The following DIAPH2 variants were observed in gnomAD, a reference collection of about 807,000 sequenced individuals.
The protein encoded by DIAPH2 is diaphanous related formin 2.
A neutral mutation model predicts 92.7 loss-of-function variants in DIAPH2; 35 were observed. That is an observed-to-expected ratio of 0.38 (90% CI 0.29 to 0.50). The LOEUF (loss-of-function observed/expected upper bound fraction) is 0.50, where lower values mean the gene tolerates loss of function less well. DIAPH2 is among the 20% of genes least tolerant of loss of function. The pLI, the probability that DIAPH2 is intolerant of heterozygous loss-of-function variation, is 0.94. For synonymous variants in DIAPH2, 301 were observed against 280.4 expected (o/e 1.07, Z -0.73); for missense variants, 701 against 819.5 (o/e 0.86, Z 1.77).
intron 4 of DIAPH2, among the ~76,000 whole-genome samples, chrX:96,875,632 C>G (rs1002604530): frequency 7.2e-5 from 8 of 110,895 alleles, no homozygotes; most frequent in Non-Finnish European, 7.6e-5. Context: ...ACAGTGTTTC[C>G]TGCAATGGGA....
At chrX:97,515,816 T>A (rs1055233432) in intron 26 of DIAPH2, among the ~76,000 whole-genome samples, 3 of 110,952 alleles carry the variant, frequency 2.7e-5, no homozygotes, top group Non-Finnish European at 3.8e-5. Flanking sequence ...CTTCTGCTAT[T>A]TTATCAAATG....
At chrX:97,016,326 G>A (rs779712289) in intron 17 of DIAPH2, among the ~76,000 whole-genome samples, 5 of 112,202 alleles carry the variant, frequency 4.5e-5, no homozygotes, top group Non-Finnish European at 9.4e-5. Context: ...CAATTTGGCA[G>A]AAAGTGAAAA....
In DIAPH2 at chrX:96,924,732, G is replaced by A. The variant is rs184208676; in HGVS notation, c.979-6001G>A. On this transcript the variant is annotated intron_variant, in intron 9 of 26. Coordinates refer to ENST00000324765, the MANE Select transcript of DIAPH2 (RefSeq NM_006729.5). ...GCCTCAGGAAACGTACAATTGTAGT[G>A]GGAGGCGAAGGGGAAGCAGGAGGAA... 7.2e-5 allele frequency among the ~76,000 whole-genome samples: 8 copies of A among 111,104 alleles called. No individual in the cohort carries two copies. In the Admixed American group the frequency reaches 7.7e-4, roughly 11 times the overall value.
At chrX:96,767,615 G>A (rs193221652) in intron 4 of DIAPH2, among the ~76,000 whole-genome samples, 1 of 111,724 alleles carries the variant, frequency 9.0e-6, no homozygotes, top group African/African-American at 3.2e-5. Flanking sequence ...ATGGTAAAAT[G>A]AGATAAGACT....
chrX:96,788,129 G>A (rs981295313), intron 4 of DIAPH2, among the ~76,000 whole-genome samples: 1 of 111,487 alleles, frequency 9.0e-6, no homozygotes, highest in African/African-American at 3.3e-5. Flanking sequence ...TTAAAGTATA[G>A]GTAGTAGTAA....
Position 97,604,042 on chromosome X carries a change from TATC to T in DIAPH2, c.*4726_*4728del, listed in dbSNP as rs988742274. The T allele has an allele frequency of 5.3e-5, 6 of 112,696 alleles. No homozygotes were observed. Among genetic ancestry groups the T allele is most frequent in the African/African-American group, 1.9e-4 (6 of 30,924 alleles). 9.3% of individuals were successfully genotyped at this position (112,696 alleles called of 1,213,427 possible). A position where few individuals can be genotyped will look rare whatever the true frequency, so the allele number is the denominator to read the frequency against. On this transcript the variant is annotated 3_prime_UTR_variant, in exon 27 of 27. Transcript: ENST00000324765. ...GTGGCTTAAAACAATAGAAATTTAT[TATC>T]TTGTTGTTTTGGAGGCCAAAAGTCC...
intron 22 of DIAPH2, among the ~76,000 whole-genome samples, chrX:97,188,139 T>C (rs1194689376): frequency 1.8e-5 from 2 of 111,791 alleles, no homozygotes; most frequent in East Asian, 5.6e-4. Context: ...ATGCCTACCT[T>C]TAGGATGGAG....
At chrX:96,882,976 A>AAAAC (rs1556277532) in intron 5 of DIAPH2, among the ~76,000 whole-genome samples, 7 of 51,992 alleles carry the variant, frequency 1.3e-4, no homozygotes, top group African/African-American at 3.0e-4. Flanking sequence ...AAAAAAAAAA[A>AAAAC]AAAAAAACAA....
At position 96,698,622 on chromosome X, in the gene DIAPH2, GC is replaced by G. The variant is rs756654657; in HGVS notation, c.132+13436del. Reference sequence around the variant, plus strand: ...TCCATCATCCTTCCCCAAAGAAAAAGCCCCTAATTTTTAAAAATGTGACAGG... The same window carrying G: ...TCCATCATCCTTCCCCAAAGAAAAAGCCCTAATTTTTAAAAATGTGACAGG... On this transcript the variant is annotated intron_variant, in intron 1 of 26. Coordinates refer to ENST00000324765, the MANE Select transcript of DIAPH2 (RefSeq NM_006729.5). 3.6e-5 allele frequency among the ~76,000 whole-genome samples: 4 copies of G among 110,445 alleles called. No homozygotes were observed. In the East Asian group the frequency reaches 1.1e-3, roughly 31 times the overall value.
intron 22 of DIAPH2, among the ~76,000 whole-genome samples, chrX:97,212,583 G>GTT (rs1491121001): frequency 3.8e-5 from 3 of 79,994 alleles, no homozygotes; most frequent in African/African-American, 1.3e-4. Flanking sequence ...GAATCTTAGG[G>GTT]TTTTTTGTTT....
In DIAPH2 at chrX:97,466,633, A is replaced by G. The variant is rs562024918; in HGVS notation, c.3241+36888A>G. Reference sequence around the variant, plus strand: ...AATTTAGAGCTTTTAGAGGAAAAACACCTTGCCACAGATCTCCCCTGAACC... The same window carrying G: ...AATTTAGAGCTTTTAGAGGAAAAACGCCTTGCCACAGATCTCCCCTGAACC... On this transcript the variant is annotated intron_variant, in intron 26 of 26. Transcript: ENST00000324765. Among the ~76,000 whole-genome samples the G allele has an allele frequency of 3.6e-5, 4 of 111,897 alleles. No individual in the cohort carries two copies. The South Asian group carries it at 1.5e-3, about 42-fold the overall frequency.
intron 4 of DIAPH2, among the ~76,000 whole-genome samples, chrX:96,802,851 C>A (rs1372223005): frequency 1.8e-5 from 2 of 111,791 alleles, no homozygotes; most frequent in Non-Finnish European, 3.8e-5. Context: ...GACAGTGCGG[C>A]CTTCAGTCTA....
chrX:97,559,500 A>C (rs1049367548), intron 26 of DIAPH2, among the ~76,000 whole-genome samples: 2 of 110,580 alleles, frequency 1.8e-5, no homozygotes, highest in Admixed American at 9.6e-5. Context: ...AAAAAAAAAA[A>C]AAAAAGTCTG....
At chrX:96,909,387 GA>G (rs1161793660) in intron 5 of DIAPH2, among the ~76,000 whole-genome samples, 36 of 110,707 alleles carry the variant, frequency 3.3e-4, no homozygotes, top group African/African-American at 1.1e-3. Flanking sequence ...GAGGCTGGGG[GA>G]GGGGGGTGGA....
At chrX:96,759,501 G>A (rs968145039) in intron 4 of DIAPH2, among the ~76,000 whole-genome samples, 3 of 111,454 alleles carry the variant, frequency 2.7e-5, no homozygotes, top group Non-Finnish European at 5.7e-5. Context: ...TGATGCATAG[G>A]GTTTTACTTT....
At chrX:97,589,783 T>G (rs1190932455) in intron 26 of DIAPH2, among the ~76,000 whole-genome samples, 2 of 112,471 alleles carry the variant, frequency 1.8e-5, no homozygotes, top group Non-Finnish European at 3.8e-5. Flanking sequence ...CCATTTTTAT[T>G]CATGTATAGG....
chrX:97,015,774 C>T (rs2066255736), intron 17 of DIAPH2, among the ~76,000 whole-genome samples: 1 of 89,486 alleles, frequency 1.1e-5, no homozygotes, highest in Non-Finnish European at 2.1e-5. Context: ...GGCGACAGAG[C>T]GAGACGCCAT....
chrX:97,516,212 G>A (rs1471421579), intron 26 of DIAPH2, among the ~76,000 whole-genome samples: 5 of 109,370 alleles, frequency 4.6e-5, no homozygotes, highest in South Asian at 4.0e-4. Context: ...CCGAGATCGC[G>A]CCACTGCATT....
At chrX:97,470,044 C>G (rs1182370965) in intron 26 of DIAPH2, among the ~76,000 whole-genome samples, 1 of 111,597 alleles carries the variant, frequency 9.0e-6, no homozygotes, top group Non-Finnish European at 1.9e-5. Flanking sequence ...AACATTCTGC[C>G]AGGCATTAAG....
Sources: allele counts gnomAD v4.1 joint callset (sites outside exome capture counted in the v4.1 genomes callset), GRCh38; gene constraint gnomAD v4.1.1; transcripts MANE v1.5; gene names NCBI Gene and HGNC (gene_info 2026-07-23, HGNC 2026-07-21).